Variants in CYGB observed in about 807,000 individuals in gnomAD.
CYGB encodes the protein histoglobin.
CYGB carries 13 observed loss-of-function variants against 20.7 expected under a neutral mutation model. The ratio of observed to expected loss-of-function variants is 0.63; its 90% CI spans 0.41 to 1.00. The LOEUF is 1.00. Ranked by LOEUF, CYGB falls within the 50% of genes least tolerant of loss-of-function variation. CYGB has a pLI of 0.00. For synonymous variants in CYGB, 93 were observed against 107.4 expected (o/e 0.87, Z 0.83); for missense variants, 218 against 257.2 (o/e 0.85, Z 1.04).
chr17:76,548,092 CAG>C (rs1188586310), intron 1 of CYGB, among the ~76,000 whole-genome samples: 10 of 151,608 alleles, frequency 6.6e-5, no homozygotes, highest in African/African-American at 1.5e-4. Context: ...ACAAATAAAA[CAG>C]ACACACAGAA....
chr17:76,539,155 C>T (rs751252921), upstream of CYGB, among the ~76,000 whole-genome samples: 2 of 152,142 alleles, frequency 1.3e-5, no homozygotes, highest in South Asian at 4.1e-4. Context: ...TTCAGGTTCT[C>T]ACACCACTCC....
chr17:76,543,191 G>C (rs1238123547), intron 1 of CYGB: 1 of 439,036 alleles, frequency 2.3e-6, no homozygotes, highest in Non-Finnish European at 4.7e-6. Flanking sequence ...GTGGGCTCCT[G>C]AGCAGGACCT....
intron 1 of CYGB, chr17:76,545,261 TG>T (rs775056234): frequency 2.2e-6 from 1 of 456,796 alleles, no homozygotes; most frequent in South Asian, 1.5e-5. Flanking sequence ...AGAAGGCTCC[TG>T]GGACCCGGGT....
chr17:76,530,889 C>T lies in CYGB; in HGVS notation c.539+90G>A. 5 of 1,423,182 alleles carry T rather than the reference C, an allele frequency of 3.5e-6. No individual in the cohort carries two copies. In the South Asian group the frequency reaches 7.0e-5, roughly 20 times the overall value. The allele number at this position is 1,423,182 out of a possible 1,614,324, so 88.2% of individuals were successfully genotyped here. On this transcript the variant is annotated intron_variant, in intron 3 of 3. Coordinates refer to ENST00000293230, the MANE Select transcript of CYGB (RefSeq NM_134268.5). This position sits in a 1 kb window ranked among gnomAD's most constrained non-coding sequence, Gnocchi z 6.1. ...CAAGTGTGCCTGCCCAGGTGATCAG[C>T]CCCAGGGCCTCAGGAGATATGGGAG...
chr17:76,538,176 C>G (rs1384778883), upstream of CYGB: 2 of 157,188 alleles, frequency 1.3e-5, no homozygotes, highest in African/African-American at 4.8e-5. Flanking sequence ...ACCGCCAGCC[C>G]GCCCGTGGGG....
Position 76,529,634 on chromosome 17 carries a change from C to T in CYGB, c.540-1023G>A, listed in dbSNP as rs536279332. On this transcript the variant is annotated intron_variant, in intron 3 of 3. Transcript: ENST00000293230. ...AACTCATCTTTGGCAGCAGAGCCTG[C>T]GTGGGGAGAGGGGTGGGAGGGCAGG... 5.7e-5 allele frequency: 56 copies of T among 983,658 alleles called. No individual in the cohort carries two copies. In the African/African-American group the frequency reaches 8.7e-4, roughly 15 times the overall value. The allele number at this position is 983,658 out of a possible 1,614,324, so 60.9% of individuals were successfully genotyped here. A position where few individuals can be genotyped will look rare whatever the true frequency, so the allele number is the denominator to read the frequency against.
chr17:76,528,708 T>C lies in CYGB; in HGVS notation c.540-97A>G. On this transcript the variant is annotated intron_variant, in intron 3 of 3. Coordinates refer to ENST00000293230, the MANE Select transcript of CYGB (RefSeq NM_134268.5). This position sits in a 1 kb window ranked among gnomAD's most constrained non-coding sequence, Gnocchi z 5.8. ...GGACCTGGGGCTGGCGAGGCTCACT[T>C]CCTGCCAAGAGATCCGGCACAGTGC... 8.7e-7 allele frequency: 1 copy of C among 1,155,372 alleles called. No individual in the cohort carries two copies. The highest frequency in any genetic ancestry group is 1.1e-6 in the Non-Finnish European group (1 of 904,130). 71.6% of individuals were successfully genotyped at this position (1,155,372 alleles called of 1,614,324 possible). A position where few individuals can be genotyped will look rare whatever the true frequency, so the allele number is the denominator to read the frequency against.
rs1057470505 is a variant in CYGB, at chr17:76,531,245, C to T, written c.376-103G>A. The T allele has an allele frequency of 1.9e-5, 25 of 1,349,264 alleles. No individual in the cohort carries two copies. The highest frequency in any genetic ancestry group is 8.8e-5 in the Admixed American group (4 of 45,416). The allele number at this position is 1,349,264 out of a possible 1,614,324, so 83.6% of individuals were successfully genotyped here. ...GTGTGGCCGAGAGGATCATTCCTAACGCAACAGTCTGGCAGCTTTGGGAAC... is the reference window on the plus strand; with the variant it reads ...GTGTGGCCGAGAGGATCATTCCTAATGCAACAGTCTGGCAGCTTTGGGAAC... On this transcript the variant is annotated intron_variant, in intron 2 of 3. Coordinates refer to ENST00000293230, the MANE Select transcript of CYGB (RefSeq NM_134268.5). This position sits in a 1 kb window ranked among gnomAD's most constrained non-coding sequence, Gnocchi z 7.4.
rs868605420 is a variant in CYGB at position 76,528,604 on chromosome 17, C to T, written c.547G>A (p.Ala183Thr). ...TACGGCCCCGAAGAGGGCAGTGTGGCCGGTGGGCTGTGGACGAGATAGGAA... is the reference window on the plus strand; with the variant it reads ...TACGGCCCCGAAGAGGGCAGTGTGGTCGGTGGGCTGTGGACGAGATAGGAA... ...QQVPNATTPP[A>T]TLPSSGP Residue 183 changes from alanine to threonine, a missense_variant, in exon 4 of 4, where the codon GCC becomes ACC. Around this residue, in one of 2 missense-constraint regions of CYGB, gnomAD observed 66 missense variants for 107.4 expected, o/e 0.61. Transcript: ENST00000293230. This position sits in a 1 kb window ranked among gnomAD's most constrained non-coding sequence, Gnocchi z 5.8. 7.8e-7 allele frequency: 1 copy of T among 1,280,832 alleles called. No homozygotes were observed. Among genetic ancestry groups the T allele is most frequent in the Non-Finnish European group, 9.9e-7 (1 of 1,005,198 alleles). The allele number at this position is 1,280,832 out of a possible 1,614,324, so 79.3% of individuals were successfully genotyped here.
At chr17:76,545,377 C>T in intron 1 of CYGB, 1 of 456,624 alleles carries the variant, frequency 2.2e-6, no homozygotes, top group Non-Finnish European at 4.4e-6. Context: ...TGACACTGTC[C>T]CCACTGAGGC....
At chr17:76,538,618 C>T (rs528660469), upstream of CYGB, 41 of 402,144 alleles carry the variant, frequency 1.0e-4, no homozygotes, top group Admixed American at 1.2e-3. Context: ...TTGAGGAAGG[C>T]GCAGGCTGCT....
chr17:76,537,562 C>T lies in CYGB; in HGVS notation c.-20G>A, dbSNP rs749059428. 3.7e-6 allele frequency: 5 copies of T among 1,356,128 alleles called. No individual in the cohort carries two copies. Among genetic ancestry groups the T allele is most frequent in the Middle Eastern group, 2.0e-4 (1 of 4,978 alleles). 84.0% of individuals were successfully genotyped at this position (1,356,128 alleles called of 1,614,324 possible). A position where few individuals can be genotyped will look rare whatever the true frequency, so the allele number is the denominator to read the frequency against. ...CTCCATGAGCAGCTCCAAGCCCAGC[C>T]CGGCTTTGCTCGGCGGCGGCGGTGG... On this transcript the variant is annotated 5_prime_UTR_variant, in exon 1 of 4. Coordinates refer to ENST00000293230, the MANE Select transcript of CYGB (RefSeq NM_134268.5).
At chr17:76,529,685 T>A in intron 3 of CYGB, 1 of 985,390 alleles carries the variant, frequency 1.0e-6, no homozygotes. Flanking sequence ...CCTCTTCCCC[T>A]GTCTTTTCCC....
intron 1 of CYGB, among the ~76,000 whole-genome samples, chr17:76,547,807 G>A (rs1331728645): frequency 7.0e-6 from 1 of 142,860 alleles, no homozygotes; most frequent in Non-Finnish European, 1.5e-5. Context: ...CATTCACAGA[G>A]ACACACATTC....
Position 76,528,471 on chromosome 17 carries a change from G to T in CYGB, c.*107C>A. On this transcript the variant is annotated 3_prime_UTR_variant, in exon 4 of 4. Coordinates refer to ENST00000293230, the MANE Select transcript of CYGB (RefSeq NM_134268.5). This position sits in a 1 kb window ranked among gnomAD's most constrained non-coding sequence, Gnocchi z 5.8. ...CCTCCTTCGGGGAAGTTGAGTCAGG[G>T]ATTCCTCCAGCTTCCTTGGCACCCA... 9.5e-7 allele frequency: 1 copy of T among 1,050,808 alleles called. No homozygotes were observed. The highest frequency in any genetic ancestry group is 1.2e-6 in the Non-Finnish European group (1 of 801,248). 65.1% of individuals were successfully genotyped at this position (1,050,808 alleles called of 1,614,324 possible).
In CYGB at chr17:76,537,628, G is replaced by A. The variant is rs1192737581; in HGVS notation, c.-86C>T. On this transcript the variant is annotated 5_prime_UTR_variant, in exon 1 of 4. Transcript: ENST00000293230. ...GGGGCGCGGGGCGCCGGGAGCCGGG[G>A]CCGGCTGCGTGCGCGGCGGGCGGGC... is the stretch of plus-strand genomic sequence containing the variant. 1.0e-6 allele frequency: 1 copy of A among 977,850 alleles called. No individual in the cohort carries two copies. The highest frequency in any genetic ancestry group is 1.8e-5 in the African/African-American group (1 of 56,302). 60.6% of individuals were successfully genotyped at this position (977,850 alleles called of 1,614,324 possible).
chr17:76,549,345 C>T (rs936629429), intron 1 of CYGB, among the ~76,000 whole-genome samples: 3 of 152,212 alleles, frequency 2.0e-5, no homozygotes, highest in Non-Finnish European at 4.4e-5. Flanking sequence ...GTTCGACATG[C>T]GGCTGGGCGC....
intron 1 of CYGB, among the ~76,000 whole-genome samples, chr17:76,548,158 CAT>C (rs893096054): frequency 3.3e-5 from 5 of 152,006 alleles, no homozygotes; most frequent in African/African-American, 1.2e-4. Flanking sequence ...CACATTCACA[CAT>C]ACACACACAC....
At chr17:76,529,262 C>T in intron 3 of CYGB, 4 of 985,356 alleles carry the variant, frequency 4.1e-6, no homozygotes, top group Non-Finnish European at 4.8e-6. Flanking sequence ...TAGGGGTGGG[C>T]TAGAGGGTGT....
Sources: allele counts gnomAD v4.1 joint callset (sites outside exome capture counted in the v4.1 genomes callset), GRCh38; gene constraint gnomAD v4.1.1; regional missense constraint gnomAD v4.1.1; non-coding constraint Gnocchi (gnomAD v3.1); transcripts MANE v1.5; gene names NCBI Gene and HGNC (gene_info 2026-07-23, HGNC 2026-07-21).